LRRC8C: variants seen among roughly 807,000 people sequenced by gnomAD.
LRRC8C encodes volume-regulated anion channel subunit LRRC8C.
A neutral mutation model predicts 55.3 loss-of-function variants in LRRC8C; 20 were observed. That is an observed-to-expected ratio of 0.36 (90% CI 0.25 to 0.53). The LOEUF is 0.53. LRRC8C is among the 20% of genes least tolerant of loss of function. LRRC8C has a pLI of 0.92. For synonymous variants in LRRC8C, 376 were observed against 360.7 expected, an observed-to-expected ratio of 1.04 and a Z score of -0.48; for missense variants, 659 against 951.4, an observed-to-expected ratio of 0.69 and a Z score of 4.04.
At chr1:89,686,639 G>A (rs1449183995) in intron 2 of LRRC8C, 28 bp downstream of exon 2, 1 of 1,612,676 alleles carries the variant, frequency 6.2e-7, no homozygotes, top group Admixed American at 1.7e-5. Context: ...TGGCAAAATG[G>A]GGGCCAGAGC....
Position 89,686,492 on chromosome 1 carries a change from T to C in LRRC8C, c.19T>C (p.Phe7Leu), listed in dbSNP as rs1216100074. The change falls in exon 2 of 3, where the codon TTC becomes CTC. Residue 7 changes from phenylalanine to leucine, a missense_variant. Physicochemically the swap from Phe to Leu is conservative, Grantham distance 22. Coordinates refer to ENST00000370454, the MANE Select transcript of LRRC8C (RefSeq NM_032270.5). MIPVTE[F>L]RQFSEQQPAF... is the part of the protein sequence containing the mutation. Reference sequence around the variant, plus strand: ...CAGAAACATGATTCCCGTGACAGAATTCCGGCAGTTCTCTGAGCAGCAGCC... The same window carrying C: ...CAGAAACATGATTCCCGTGACAGAACTCCGGCAGTTCTCTGAGCAGCAGCC... 2 of 1,614,202 alleles carry C rather than the reference T, an allele frequency of 1.2e-6. No homozygotes were observed. The highest frequency in any genetic ancestry group is 1.7e-6 in the Non-Finnish European group (2 of 1,180,014).
intron 1 of LRRC8C, among the ~76,000 whole-genome samples, chr1:89,649,974 T>C (rs1656716865): frequency 6.6e-6 from 1 of 152,198 alleles, no homozygotes; most frequent in Non-Finnish European, 1.5e-5. Context: ...CTTAGAGGCA[T>C]TCTAAGCAAA....
chr1:89,623,328 T>G, the LRRC8C span, among the ~76,000 whole-genome samples: 1 of 152,248 alleles, frequency 6.6e-6, no homozygotes, highest in Non-Finnish European at 1.5e-5. Flanking sequence ...GACTTTAAAT[T>G]AATGGTGTCT....
intron 1 of LRRC8C, among the ~76,000 whole-genome samples, chr1:89,656,687 T>G (rs1028574029): frequency 6.6e-6 from 1 of 151,974 alleles, no homozygotes; most frequent in African/African-American, 2.4e-5. Flanking sequence ...ATGGAAAAAA[T>G]AGCAAATGTT....
At chr1:89,697,982 T>C (rs1162833044) in intron 2 of LRRC8C, among the ~76,000 whole-genome samples, 2 of 152,192 alleles carry the variant, frequency 1.3e-5, no homozygotes, top group African/African-American at 4.8e-5. Context: ...AAAGTTAGTA[T>C]GTCAATATTT....
At chr1:89,615,881 A>T in the LRRC8C span, among the ~76,000 whole-genome samples, 1 of 152,196 alleles carries the variant, frequency 6.6e-6, no homozygotes, top group Non-Finnish European at 1.5e-5. Flanking sequence ...TGATTAAAAC[A>T]GTTTTCTGCT....
the LRRC8C span, among the ~76,000 whole-genome samples, chr1:89,620,202 T>C: frequency 2.7e-4 from 41 of 152,304 alleles, 1 homozygote; most frequent in Middle Eastern, 0.024. Context: ...CATGAGGGCA[T>C]TAATCCCATT....
At chr1:89,678,614 C>T (rs556047982) in intron 1 of LRRC8C, among the ~76,000 whole-genome samples, 14 of 151,620 alleles carry the variant, frequency 9.2e-5, no homozygotes, top group Admixed American at 3.3e-4. Flanking sequence ...GCAGGAGAAT[C>T]GCATGAACCT....
chr1:89,692,021 C>T (rs1557663249), intron 2 of LRRC8C, among the ~76,000 whole-genome samples: 1 of 152,060 alleles, frequency 6.6e-6, no homozygotes, highest in Non-Finnish European at 1.5e-5. Flanking sequence ...AGTAAAACTA[C>T]CTAGGATCCA....
chr1:89,689,336 G>C (rs1376918156), intron 2 of LRRC8C, among the ~76,000 whole-genome samples: 1 of 152,164 alleles, frequency 6.6e-6, no homozygotes, highest in Non-Finnish European at 1.5e-5. Flanking sequence ...GACACAGTGG[G>C]TGCCAGATCA....
intron 1 of LRRC8C, among the ~76,000 whole-genome samples, chr1:89,685,646 G>C (rs1423307170): frequency 1.3e-5 from 2 of 152,148 alleles, no homozygotes; most frequent in Non-Finnish European, 2.9e-5. Context: ...AAAGGAGGAG[G>C]CACATCAAGA....
the LRRC8C span, among the ~76,000 whole-genome samples, chr1:89,621,422 T>TCG: frequency 2.8e-3 from 432 of 151,600 alleles, 9 homozygotes; most frequent in Admixed American, 0.024. Context: ...CGAGCCGAGA[T>TCG]CGCCACTGCA....
At chr1:89,678,927 G>A (rs1487179650) in intron 1 of LRRC8C, among the ~76,000 whole-genome samples, 1 of 152,142 alleles carries the variant, frequency 6.6e-6, no homozygotes, top group African/African-American at 2.4e-5. Context: ...GACAGGCCAA[G>A]TTTGATGTGT....
chr1:89,643,637 G>C (rs879503020), intron 1 of LRRC8C, among the ~76,000 whole-genome samples: 8 of 152,296 alleles, frequency 5.3e-5, no homozygotes, highest in Admixed American at 5.2e-4. Flanking sequence ...TTGTGTTTTT[G>C]TAAGTTTACC....
At chr1:89,686,199 GTGTC>G (rs1657877915) in intron 1 of LRRC8C, among the ~76,000 whole-genome samples, 1 of 152,178 alleles carries the variant, frequency 6.6e-6, no homozygotes, top group Admixed American at 6.5e-5. Flanking sequence ...GACTTGGAAA[GTGTC>G]TGGCCATGTT....
At chr1:89,642,631 C>T (rs1209924518) in intron 1 of LRRC8C, among the ~76,000 whole-genome samples, 2 of 152,150 alleles carry the variant, frequency 1.3e-5, no homozygotes, top group Non-Finnish European at 2.9e-5. Context: ...GGGTGGATCA[C>T]GAGGTCAGGA....
intron 2 of LRRC8C, among the ~76,000 whole-genome samples, chr1:89,699,252 G>A (rs1371503010): frequency 6.6e-6 from 1 of 152,148 alleles, no homozygotes; most frequent in Non-Finnish European, 1.5e-5. Flanking sequence ...AGTAGGTATA[G>A]CTCAGAAGAC....
chr1:89,706,762 A>G (rs753146967), intron 2 of LRRC8C, among the ~76,000 whole-genome samples: 24 of 152,124 alleles, frequency 1.6e-4, no homozygotes, highest in African/African-American at 4.8e-4. Context: ...ATTTTGGCCT[A>G]TGCTTCCCTT....
chr1:89,630,108 T>C (rs895395501), upstream of LRRC8C, among the ~76,000 whole-genome samples: 2 of 151,914 alleles, frequency 1.3e-5, no homozygotes, highest in South Asian at 2.1e-4. Context: ...AAGGCGGAAG[T>C]TGCAGTCAGC....
Sources: allele counts gnomAD v4.1 joint callset (sites outside exome capture counted in the v4.1 genomes callset), GRCh38; gene constraint gnomAD v4.1.1; transcripts MANE v1.5; gene names NCBI Gene and HGNC (gene_info 2026-07-23, HGNC 2026-07-21).